PLEKHA6: variants seen among roughly 807,000 people sequenced by gnomAD.
PLEKHA6 encodes pleckstrin homology domain containing A6, also known as pleckstrin homology domain-containing family A member 6.
Under a neutral mutation model 116.7 loss-of-function variants are expected in PLEKHA6, and 60 were observed. The ratio of observed to expected loss-of-function variants is 0.51; its 90% confidence interval spans 0.42 to 0.64. The LOEUF is 0.64. Ranked by LOEUF, PLEKHA6 falls within the 30% of genes least tolerant of loss-of-function variation. PLEKHA6 has a pLI of 0.00. For synonymous variants in PLEKHA6, 489 were observed against 556.1 expected (o/e 0.88, Z 1.70); for missense variants, 1,338 against 1,422.7 (o/e 0.94, Z 0.96).
intron 1 of PLEKHA6, chr1:204,309,918 G>A (rs1307608041): frequency 6.5e-6 from 1 of 152,814 alleles, no homozygotes; most frequent in East Asian, 1.9e-4. Flanking sequence ...GTAAACAAAT[G>A]AGCAGAAACA....
rs924350041 is a variant in PLEKHA6, at chr1:204,221,253, A to C, written c.*1535T>G. On this transcript the variant is annotated 3_prime_UTR_variant, in exon 23 of 23. Coordinates refer to ENST00000272203, the MANE Select transcript of PLEKHA6 (RefSeq NM_014935.5). ...AAATTGTCATCTTTACTTGCATATG[A>C]ACCAGTAACTGTCCCAGCCATGAAG... 2.0e-5 allele frequency: 3 copies of C among 152,676 alleles called. No homozygotes were observed. Among genetic ancestry groups the C allele is most frequent in the Non-Finnish European group, 2.9e-5 (2 of 68,048 alleles). The allele number at this position is 152,676 out of a possible 1,614,324, so 9.5% of individuals were successfully genotyped here. A position where few individuals can be genotyped will look rare whatever the true frequency, so the allele number is the denominator to read the frequency against.
chr1:204,272,953 A>G (rs1667622245), intron 3 of PLEKHA6, among the ~76,000 whole-genome samples: 3 of 151,958 alleles, frequency 2.0e-5, no homozygotes, highest in Non-Finnish European at 4.4e-5. Context: ...CTCTTTCTAC[A>G]TCTCCTCTCC....
chr1:204,243,152 G>C (rs1486700482), intron 15 of PLEKHA6: 1 of 399,322 alleles, frequency 2.5e-6, no homozygotes, highest in African/African-American at 2.1e-5. Context: ...TGCCAGGAAG[G>C]GGAGCTGGGG....
In PLEKHA6 at chr1:204,239,949, G is replaced by T. The variant is rs116566911; in HGVS notation, c.2409+1426C>A. ...TGACATTATGTTCTGCTGGCCTACG[G>T]GTCTTCGTTCCAGAGGGAGGAACGC... On this transcript the variant is annotated intron_variant, in intron 17 of 22. Coordinates refer to ENST00000272203, the MANE Select transcript of PLEKHA6 (RefSeq NM_014935.5). Among the ~76,000 whole-genome samples the T allele has an allele frequency of 1.5e-3, 234 of 152,236 alleles. 1 individual carries two copies. The highest frequency in any genetic ancestry group is 5.4e-3 in the African/African-American group (223 of 41,522).
chr1:204,364,988 G>A (rs1425097881), intron 3 of PLEKHA6, among the ~76,000 whole-genome samples: 1 of 152,186 alleles, frequency 6.6e-6, no homozygotes, highest in Non-Finnish European at 1.5e-5. Context: ...ATCATGGGCA[G>A]GGCTTGAAGG....
At position 204,259,364 on chromosome 1, in the gene PLEKHA6, G is replaced by T; in HGVS notation, c.901C>A (p.Pro301Thr). 1 of 1,614,254 alleles carries T rather than the reference G, an allele frequency of 6.2e-7. No individual in the cohort carries two copies. Among genetic ancestry groups the T allele is most frequent in the South Asian group, 1.1e-5 (1 of 91,088 alleles). ...GCAATTTTGTCAGGGTTGGTGCGTG[G>T]TGGGAAACTCCGCCGGTGTCCCCCA... is the stretch of plus-strand genomic sequence containing the variant. ...ETGGHRRSFP[P>T]RTNPDKIAQR... Residue 301 changes from proline to threonine, a missense_variant, in exon 8 of 23, where the codon CCA (proline) becomes ACA (threonine). By Grantham distance (38) the Pro-to-Thr change is conservative. Transcript: ENST00000272203. This position sits in a 1 kb window ranked among gnomAD's most constrained non-coding sequence, Gnocchi z 4.6.
At chr1:204,281,209 T>C (rs1308586291) in intron 1 of PLEKHA6, 2 of 151,786 alleles carry the variant, frequency 1.3e-5, no homozygotes, top group Non-Finnish European at 1.5e-5. Context: ...AAGGCCCCCA[T>C]CTCTAAAAAA....
At chr1:204,274,979 G>T in intron 1 of PLEKHA6, 170 bp from the exon 2 acceptor site, 5 of 886,696 alleles carry the variant, frequency 5.6e-6, no homozygotes, top group Non-Finnish European at 6.7e-6. Context: ...CTGGATGAGG[G>T]TGGGGGCGGG....
chr1:204,266,131 A>C (rs1666787069), intron 5 of PLEKHA6, among the ~76,000 whole-genome samples: 1 of 152,130 alleles, frequency 6.6e-6, no homozygotes, highest in African/African-American at 2.4e-5. Context: ...CATCTACACG[A>C]TACTTGGCCC....
chr1:204,359,774 G>A lies in PLEKHA6; in HGVS notation c.-175C>T. The A allele has an allele frequency of 1.1e-6, 1 of 870,182 alleles. No individual in the cohort carries two copies. Among genetic ancestry groups the A allele is most frequent in the African/African-American group, 1.8e-5 (1 of 55,418 alleles). The allele number at this position is 870,182 out of a possible 1,614,324, so 53.9% of individuals were successfully genotyped here. On this transcript the variant is annotated 5_prime_UTR_variant, in exon 1 of 23. Coordinates refer to ENST00000272203, the MANE Select transcript of PLEKHA6 (RefSeq NM_014935.5). The stretch of plus-strand genomic sequence containing the variant: ...GCACCCCTCCCCCCAGCTCAGGCCA[G>A]CTGGGGTCCTCCTCCCCCGCCCCTG...
At chr1:204,314,590 G>A (rs553248163) in intron 1 of PLEKHA6, among the ~76,000 whole-genome samples, 10 of 152,306 alleles carry the variant, frequency 6.6e-5, no homozygotes, top group African/African-American at 2.2e-4. Context: ...AGCTCCTGGC[G>A]GACCTCACTC....
chr1:204,258,151 C>T (rs1233135804), intron 8 of PLEKHA6, among the ~76,000 whole-genome samples: 1 of 152,210 alleles, frequency 6.6e-6, no homozygotes, highest in African/African-American at 2.4e-5. Context: ...CCATCTCCAT[C>T]TCAGCATGAA....
rs564716253 is a variant in PLEKHA6, at chr1:204,281,947, C to A, written c.-94-7138G>T. Among the ~76,000 whole-genome samples, 5 of 152,260 alleles carry A rather than the reference C, an allele frequency of 3.3e-5. No homozygotes were observed. The East Asian group carries it at 9.7e-4, about 29-fold the overall frequency. ...ATGGGCAGTTATGGAAGGCTGGGGG[C>A]CTTCTACGTGAGCTCAGCTCCCACC... On this transcript the variant is annotated intron_variant, in intron 1 of 22. Transcript: ENST00000272203.
rs953396940 is a variant in PLEKHA6 at position 204,280,464 on chromosome 1, T to C, written c.-94-5655A>G. On this transcript the variant is annotated intron_variant, in intron 1 of 22. Coordinates refer to ENST00000272203, the MANE Select transcript of PLEKHA6 (RefSeq NM_014935.5). Reference sequence around the variant, plus strand: ...CACTGGGCCTCTCTTGATTATCTGCTGTACACCAAGCTGCTTCATTTCCAT... The same window carrying C: ...CACTGGGCCTCTCTTGATTATCTGCCGTACACCAAGCTGCTTCATTTCCAT... The C allele has an allele frequency of 3.0e-6, 3 of 985,054 alleles. No homozygotes were observed. In the African/African-American group the frequency reaches 5.2e-5, roughly 17 times the overall value. The allele number at this position is 985,054 out of a possible 1,614,324, so 61.0% of individuals were successfully genotyped here. A position where few individuals can be genotyped will look rare whatever the true frequency, so the allele number is the denominator to read the frequency against.
At chr1:204,375,917 C>A (rs1673861002) in intron 1 of PLEKHA6, among the ~76,000 whole-genome samples, 2 of 151,210 alleles carry the variant, frequency 1.3e-5, no homozygotes. Flanking sequence ...TCCAAGGCTT[C>A]TTTCACTCTT....
At chr1:204,321,240 C>T (rs1672050828) in intron 1 of PLEKHA6, among the ~76,000 whole-genome samples, 1 of 152,090 alleles carries the variant, frequency 6.6e-6, no homozygotes, top group Admixed American at 6.5e-5. Context: ...TGCTGTGCAC[C>T]CTCAGGCAGG....
Position 204,228,698 on chromosome 1 carries a change from A to C in PLEKHA6, c.2885+30T>G, listed in dbSNP as rs1660727020. ...GTGTCCTAGGTGCCAGGGTGAGCAG[A>C]GGAAGTAGAGGCTCACCCAGGCTGG... On this transcript the variant is annotated intron_variant, in intron 20 of 22. Transcript: ENST00000272203. This position sits in a 1 kb window ranked among gnomAD's most constrained non-coding sequence, Gnocchi z 4.0. 6.2e-7 allele frequency: 1 copy of C among 1,608,830 alleles called. No homozygotes were observed. The highest frequency in any genetic ancestry group is 8.5e-7 in the Non-Finnish European group (1 of 1,175,428).
intron 1 of PLEKHA6, among the ~76,000 whole-genome samples, chr1:204,349,176 A>C (rs1673186533): frequency 6.6e-6 from 1 of 151,946 alleles, no homozygotes; most frequent in Non-Finnish European, 1.5e-5. Flanking sequence ...CCTCAATTTT[A>C]AGGGGGCCAG....
intron 1 of PLEKHA6, among the ~76,000 whole-genome samples, chr1:204,326,345 T>C (rs779940272): frequency 3.9e-5 from 6 of 152,156 alleles, no homozygotes; most frequent in Non-Finnish European, 8.8e-5. Context: ...GCTCATCAAA[T>C]GTTCTATCAG....
Sources: allele counts gnomAD v4.1 joint callset (sites outside exome capture counted in the v4.1 genomes callset), GRCh38; gene constraint gnomAD v4.1.1; non-coding constraint Gnocchi (gnomAD v3.1); transcripts MANE v1.5; gene names NCBI Gene and HGNC (gene_info 2026-07-23, HGNC 2026-07-21).